Variants in AFAP1 observed in about 807,000 individuals in gnomAD.
AFAP1 encodes the protein actin filament-associated protein 1.
Under a neutral mutation model 93.9 loss-of-function variants are expected in AFAP1, and 75 were observed. The ratio of observed to expected loss-of-function variants is 0.80; its 90% CI spans 0.66 to 0.97. The LOEUF (loss-of-function observed/expected upper bound fraction) is 0.97, where lower values mean the gene tolerates loss of function less well. AFAP1 is among the 50% of genes least tolerant of loss of function. The probability of loss-of-function intolerance (pLI) is 0.00; values close to 1 mark genes in which losing one functional copy is unlikely to be tolerated. For missense variants in AFAP1, 1,201 were observed against 1,050.8 expected (o/e 1.14, Z -1.98); for synonymous variants, 517 against 430.7 (o/e 1.20, Z -2.48).
intron 1 of AFAP1, among the ~76,000 whole-genome samples, chr4:7,901,645 G>A (rs1049817048): frequency 1.3e-5 from 2 of 152,226 alleles, no homozygotes; most frequent in African/African-American, 4.8e-5. Context: ...CAGAGCCAGG[G>A]AAGGACCTGT....
chr4:7,838,278 A>G (rs541760502), intron 6 of AFAP1, among the ~76,000 whole-genome samples: 2 of 152,334 alleles, frequency 1.3e-5, no homozygotes, highest in East Asian at 3.9e-4. Context: ...TGGAAAATAA[A>G]AGAGAAAGTC....
At chr4:7,824,113 T>C (rs888543017) in intron 6 of AFAP1, among the ~76,000 whole-genome samples, 3 of 152,240 alleles carry the variant, frequency 2.0e-5, no homozygotes, top group African/African-American at 7.2e-5. Flanking sequence ...AGTAAAGCAC[T>C]GATCACTCCA....
At chr4:7,929,079 G>C (rs932465117) in intron 1 of AFAP1, among the ~76,000 whole-genome samples, 1 of 152,224 alleles carries the variant, frequency 6.6e-6, no homozygotes, top group African/African-American at 2.4e-5. Context: ...GCAGGGGTGG[G>C]AATCAGCACA....
At chr4:7,885,661 G>A (rs901984545) in intron 1 of AFAP1, among the ~76,000 whole-genome samples, 7 of 152,206 alleles carry the variant, frequency 4.6e-5, no homozygotes, top group African/African-American at 1.4e-4. Flanking sequence ...TCACTTTTAT[G>A]TTTCCAGTTC....
intron 6 of AFAP1, among the ~76,000 whole-genome samples, chr4:7,835,455 T>C (rs71601882): frequency 0.059 from 2,775 of 47,196 alleles, 91 homozygotes; most frequent in Non-Finnish European, 0.099. Context: ...GAATGGACTG[T>C]GGGCTGCCTT....
chr4:7,866,207 T>C (rs987857278), intron 3 of AFAP1, among the ~76,000 whole-genome samples: 8 of 65,370 alleles, frequency 1.2e-4, no homozygotes, highest in African/African-American at 1.8e-4. Context: ...GGTTTTTTGT[T>C]TTTTTTTGAG....
At chr4:7,777,915 A>T (rs2148975537) in intron 14 of AFAP1, 1 of 152,330 alleles carries the variant, frequency 6.6e-6, no homozygotes, top group Non-Finnish European at 1.5e-5. Flanking sequence ...CCCTGATTAG[A>T]CATCCAACAT....
chr4:7,849,728 G>A (rs1410585732), intron 4 of AFAP1, among the ~76,000 whole-genome samples: 1 of 152,322 alleles, frequency 6.6e-6, no homozygotes, highest in East Asian at 1.9e-4. Context: ...ACAACTCTGT[G>A]GAAGGCAAGG....
intron 1 of AFAP1, among the ~76,000 whole-genome samples, chr4:7,878,887 C>G (rs115576456): frequency 0.016 from 2,500 of 152,204 alleles, 71 homozygotes; most frequent in African/African-American, 0.055. Flanking sequence ...ATTTTGCTCC[C>G]GGTGGAAGAA....
At chr4:7,898,883 G>C (rs1189639119) in intron 1 of AFAP1, among the ~76,000 whole-genome samples, 2 of 145,884 alleles carry the variant, frequency 1.4e-5, no homozygotes, top group Non-Finnish European at 3.1e-5. Context: ...TGTGTGGTGT[G>C]TGTATATACA....
chr4:7,873,341 C>CTTT, intron 1 of AFAP1, among the ~76,000 whole-genome samples: 3 of 101,534 alleles, frequency 3.0e-5, no homozygotes, highest in African/African-American at 1.1e-4. Context: ...TGAAGACACA[C>CTTT]CTTTTTTTTT....
intron 1 of AFAP1, among the ~76,000 whole-genome samples, chr4:7,880,046 G>A (rs1487187542): frequency 6.6e-6 from 1 of 152,094 alleles, no homozygotes; most frequent in Non-Finnish European, 1.5e-5. Flanking sequence ...AGACATCCCA[G>A]GAGACAAAGA....
In AFAP1 at chr4:7,872,926, CTT is replaced by C. The variant is rs1166681967; in HGVS notation, c.-2-848_-2-847del. 1.7e-3 allele frequency among the ~76,000 whole-genome samples: 200 copies of C among 119,630 alleles called. 1 individual carries two copies. In the South Asian group the frequency reaches 0.018, roughly 11 times the overall value. The allele number at this position is 119,630 out of a possible 152,430, so 78.5% of individuals were successfully genotyped here. On this transcript the variant is annotated intron_variant, in intron 1 of 17. Transcript: ENST00000420658. ...ACCATATACTCACAGGTTTTTTTTC[CTT>C]TTTTTTTTTTTAAAAAAAAAAAAAA...
chr4:7,764,083 C>A (rs142797302), intron 17 of AFAP1, among the ~76,000 whole-genome samples: 1 of 152,282 alleles, frequency 6.6e-6, no homozygotes, highest in African/African-American at 2.4e-5. Flanking sequence ...TAAAACATGG[C>A]GAGTACAGAC....
chr4:7,820,465 C>T (rs570185709), intron 6 of AFAP1, among the ~76,000 whole-genome samples: 24 of 152,112 alleles, frequency 1.6e-4, no homozygotes, highest in African/African-American at 5.5e-4. Context: ...GACCTGGAGC[C>T]CGTTGGCGTC....
intron 8 of AFAP1, among the ~76,000 whole-genome samples, chr4:7,810,282 T>C (rs1302625981): frequency 6.6e-6 from 1 of 152,178 alleles, no homozygotes; most frequent in Non-Finnish European, 1.5e-5. Context: ...CACATGGAGA[T>C]CTAAGATAGG....
intron 6 of AFAP1, among the ~76,000 whole-genome samples, chr4:7,832,853 C>T (rs563992320): frequency 3.8e-4 from 58 of 152,130 alleles, no homozygotes; most frequent in African/African-American, 1.4e-3. Context: ...AACCCAAATA[C>T]TTACAGTCAA....
chr4:7,774,437 G>A (rs931293781), intron 15 of AFAP1: 1 of 363,760 alleles, frequency 2.7e-6, no homozygotes, highest in African/African-American at 2.1e-5. Context: ...CCATCCTCCA[G>A]ACAATCTCTG....
intron 3 of AFAP1, 96 bp downstream of exon 3, chr4:7,868,526 T>A: frequency 1.9e-6 from 2 of 1,065,988 alleles, no homozygotes; most frequent in Non-Finnish European, 2.7e-6. Flanking sequence ...AAGGGCTCCA[T>A]TCTTCCACAC....
Sources: gnomAD v4.1 joint callset for allele counts (sites outside exome capture counted in the v4.1 genomes callset) on GRCh38, gnomAD v4.1.1 for gene constraint, MANE v1.5 for transcripts, NCBI Gene and HGNC (gene_info 2026-07-23, HGNC 2026-07-21) for gene names.